The following MYRFL variants were observed in gnomAD, a reference collection of about 807,000 sequenced individuals.
MYRFL encodes the protein myelin regulatory factor like, also known as myelin regulatory factor-like protein.
A neutral mutation model predicts 109.4 loss-of-function variants in MYRFL; 88 were observed. The observed-to-expected ratio is 0.80, with a 90% confidence interval of 0.68 to 0.96. The LOEUF (loss-of-function observed/expected upper bound fraction) is 0.96, where lower values mean the gene tolerates loss of function less well. Ranked by LOEUF, MYRFL falls within the 40% of genes least tolerant of loss-of-function variation. The pLI, the probability that MYRFL is intolerant of heterozygous loss-of-function variation, is 0.00. For synonymous variants in MYRFL, 324 were observed against 320.9 expected (o/e 1.01, Z -0.10); for missense variants, 957 against 954.9 (o/e 1.00, Z -0.03).
At chr12:69,853,221 T>C (rs1884004936) in intron 1 of MYRFL, among the ~76,000 whole-genome samples, 1 of 146,236 alleles carries the variant, frequency 6.8e-6, no homozygotes, top group Non-Finnish European at 1.5e-5. Context: ...GGCTGCCCCC[T>C]ACCTCCCTCC....
chr12:69,891,248 C>A, intron 7 of MYRFL, 82 bp downstream of exon 7: 1 of 1,042,370 alleles, frequency 9.6e-7, no homozygotes. Context: ...CAAACTATCC[C>A]AAAATGACTT....
chr12:69,907,891 AG>A (rs35386190), intron 11 of MYRFL, among the ~76,000 whole-genome samples: 5,175 of 152,322 alleles, frequency 0.034, 145 homozygotes, highest in Non-Finnish European at 0.054. Flanking sequence ...AGGCGCTCAC[AG>A]TGATAGATAT....
chr12:69,830,378 G>A (rs1377468560), intron 1 of MYRFL, among the ~76,000 whole-genome samples: 1 of 150,446 alleles, frequency 6.6e-6, no homozygotes, highest in South Asian at 2.1e-4. Flanking sequence ...TCCCTATACT[G>A]TCCTTGTTTA....
intron 2 of MYRFL, among the ~76,000 whole-genome samples, chr12:69,866,056 G>A (rs1305274554): frequency 6.6e-6 from 1 of 152,076 alleles, no homozygotes. Context: ...GTCAATACGT[G>A]GCAAAGCTGA....
chr12:69,939,426 G>A (rs1955571899), intron 19 of MYRFL, among the ~76,000 whole-genome samples: 1 of 152,044 alleles, frequency 6.6e-6, no homozygotes, highest in African/African-American at 2.4e-5. Context: ...CCTCCAGCAG[G>A]GGCACACTGA....
chr12:69,890,912 A>G (rs1243593386), intron 6 of MYRFL, 59 bp from the exon 7 acceptor site: 10 of 1,313,226 alleles, frequency 7.6e-6, no homozygotes, highest in Non-Finnish European at 9.9e-6. Flanking sequence ...AATACTGTTA[A>G]TGAAAATAAA....
At chr12:69,828,121 A>C (rs1251751474) in intron 1 of MYRFL, among the ~76,000 whole-genome samples, 2 of 152,134 alleles carry the variant, frequency 1.3e-5, no homozygotes, top group Non-Finnish European at 2.9e-5. Flanking sequence ...AGATTTTGAC[A>C]TGGATTGAAA....
chr12:69,860,614 C>G (rs1459296816), intron 2 of MYRFL, among the ~76,000 whole-genome samples: 1 of 151,178 alleles, frequency 6.6e-6, no homozygotes, highest in African/African-American at 2.4e-5. Flanking sequence ...AATGTTCATC[C>G]CCTCTGCTTC....
chr12:69,830,646 A>C (rs1486238948), intron 1 of MYRFL, among the ~76,000 whole-genome samples: 1 of 152,040 alleles, frequency 6.6e-6, no homozygotes, highest in Non-Finnish European at 1.5e-5. Flanking sequence ...CATGCAAGGA[A>C]TTTAGGATTA....
chr12:69,938,833 C>T (rs956956577), intron 19 of MYRFL, among the ~76,000 whole-genome samples: 2 of 152,164 alleles, frequency 1.3e-5, no homozygotes, highest in Non-Finnish European at 2.9e-5. Flanking sequence ...TCAGTGGGTG[C>T]GCGCACCGTG....
In MYRFL at chr12:69,854,162, C is replaced by T. The variant is rs114606878; in HGVS notation, c.47-1118C>T. ...GAGCTGGAGACCAGTCCGGCCAACACGGGAAACCCCGTCTCCACCAAAAAA... is the reference window on the plus strand; with the variant it reads ...GAGCTGGAGACCAGTCCGGCCAACATGGGAAACCCCGTCTCCACCAAAAAA... On this transcript the variant is annotated intron_variant, in intron 1 of 24. Transcript: ENST00000552032. Among the ~76,000 whole-genome samples the T allele has an allele frequency of 5.7e-3, 868 of 152,288 alleles. 7 individuals are homozygous for T. The highest frequency in any genetic ancestry group is 0.02 in the African/African-American group (826 of 41,572).
At chr12:69,839,925 G>A (rs868158334) in intron 1 of MYRFL, among the ~76,000 whole-genome samples, 1 of 152,116 alleles carries the variant, frequency 6.6e-6, no homozygotes, top group Non-Finnish European at 1.5e-5. Context: ...TAGAGGAACA[G>A]GAATTGCACT....
At chr12:69,885,314 A>G (rs1326994719) in intron 5 of MYRFL, among the ~76,000 whole-genome samples, 1 of 147,114 alleles carries the variant, frequency 6.8e-6, no homozygotes, top group Non-Finnish European at 1.5e-5. Context: ...CCCCAAGAGA[A>G]ATACTTTTTT....
rs201597849 is a variant in MYRFL at position 69,877,001 on chromosome 12, G to GTCTTTCTTTCTTTCTT, written c.138-2017_138-2002dup. On this transcript the variant is annotated intron_variant, in intron 2 of 24. Transcript: ENST00000552032. ...TGGGGAAGCTAATATAAGGGTCCAG[G>GTCTTTCTTTCTTTCTT]TCTTTCTTTCTTTCTTTCTTTCTTT... 3.8e-4 allele frequency among the ~76,000 whole-genome samples: 30 copies of GTCTTTCTTTCTTTCTT among 78,568 alleles called. 1 individual carries two copies. Among genetic ancestry groups the GTCTTTCTTTCTTTCTT allele is most frequent in the East Asian group, 6.5e-4 (2 of 3,066 alleles). The allele number at this position is 78,568 out of a possible 152,430, so 51.5% of individuals were successfully genotyped here. A position where few individuals can be genotyped will look rare whatever the true frequency, so the allele number is the denominator to read the frequency against.
chr12:69,902,137 A>G (rs1221490371), intron 10 of MYRFL, among the ~76,000 whole-genome samples: 1 of 151,972 alleles, frequency 6.6e-6, no homozygotes, highest in African/African-American at 2.4e-5. Flanking sequence ...CAGGTGATCC[A>G]CACACCTCAG....
intron 1 of MYRFL, among the ~76,000 whole-genome samples, chr12:69,849,922 A>G (rs1358509403): frequency 2.0e-5 from 3 of 152,128 alleles, no homozygotes; most frequent in African/African-American, 7.2e-5. Context: ...ATGTGGGTGG[A>G]TGGATGGGTG....
intron 2 of MYRFL, among the ~76,000 whole-genome samples, chr12:69,861,377 G>A (rs1298954051): frequency 3.3e-5 from 5 of 152,290 alleles, no homozygotes; most frequent in Non-Finnish European, 7.3e-5. Flanking sequence ...GTGTAAAAGT[G>A]TTCCTGTTTC....
chr12:69,846,877 A>G (rs1883587310), intron 1 of MYRFL, among the ~76,000 whole-genome samples: 1 of 151,754 alleles, frequency 6.6e-6, no homozygotes, highest in Non-Finnish European at 1.5e-5. Flanking sequence ...CTGACTTTTT[A>G]ATGATCACCA....
At chr12:69,904,193 A>G (rs1315929409) in intron 11 of MYRFL, 2 of 197,570 alleles carry the variant, frequency 1.0e-5, no homozygotes, top group Non-Finnish European at 2.1e-5. Context: ...CTCCCCACTC[A>G]TCTTCCAAGC....
Sources: gnomAD v4.1 joint callset for allele counts (sites outside exome capture counted in the v4.1 genomes callset) on GRCh38, gnomAD v4.1.1 for gene constraint, MANE v1.5 for transcripts, NCBI Gene and HGNC (gene_info 2026-07-23, HGNC 2026-07-21) for gene names.